PLXNC1: variants seen among roughly 807,000 people sequenced by gnomAD.
PLXNC1 encodes the protein plexin-C1.
PLXNC1 carries 75 observed loss-of-function variants against 178.2 expected under a neutral mutation model. The observed-to-expected ratio is 0.42, with a 90% confidence interval of 0.35 to 0.51. The LOEUF is 0.51. PLXNC1 is among the 20% of genes least tolerant of loss of function. PLXNC1 has a pLI of 0.02. For missense variants in PLXNC1, 1,503 were observed against 1,984.4 expected (o/e 0.76, Z 4.61); for synonymous variants, 790 against 779.9 (o/e 1.01, Z -0.22).
intron 22 of PLXNC1, among the ~76,000 whole-genome samples, chr12:94,281,680 C>A (rs1966453066): frequency 6.6e-6 from 1 of 152,176 alleles, no homozygotes; most frequent in South Asian, 2.1e-4. Context: ...CTCCGCCTCC[C>A]AAAGTATTGG....
chr12:94,262,396 C>T, intron 20 of PLXNC1: 1 of 689,564 alleles, frequency 1.5e-6, no homozygotes, highest in Non-Finnish European at 1.8e-6. Context: ...TCTACTGGAT[C>T]TTGTGATTCT....
chr12:94,224,123 C>A, intron 6 of PLXNC1, 105 bp from the exon 7 acceptor site: 1 of 757,902 alleles, frequency 1.3e-6, no homozygotes, highest in South Asian at 1.4e-5. Flanking sequence ...CGCTCCTGCC[C>A]ACTATGCAGA....
intron 21 of PLXNC1, among the ~76,000 whole-genome samples, chr12:94,266,369 G>A (rs773929629): frequency 3.0e-4 from 46 of 152,276 alleles, no homozygotes; most frequent in Middle Eastern, 3.4e-3. Context: ...ACTTCTCAGC[G>A]TTCTGAATTG....
chr12:94,306,196 C>A lies in PLXNC1; in HGVS notation c.*911C>A, dbSNP rs1481658926. ...CTCCTTGCTTTAGATTTCTGGTGAA[C>A]CCTGTGGTTATGAATACTTGTGTGT... On this transcript the variant is annotated 3_prime_UTR_variant, in exon 31 of 31. Coordinates refer to ENST00000258526, the MANE Select transcript of PLXNC1 (RefSeq NM_005761.3). 2.0e-5 allele frequency: 3 copies of A among 151,560 alleles called. No individual in the cohort carries two copies. Among genetic ancestry groups the A allele is most frequent in the Non-Finnish European group, 4.4e-5 (3 of 67,942 alleles). The allele number at this position is 151,560 out of a possible 1,614,324, so 9.4% of individuals were successfully genotyped here. A position where few individuals can be genotyped will look rare whatever the true frequency, so the allele number is the denominator to read the frequency against.
At chr12:94,235,119 A>G (rs1250041756) in intron 9 of PLXNC1, among the ~76,000 whole-genome samples, 1 of 152,204 alleles carries the variant, frequency 6.6e-6, no homozygotes, top group African/African-American at 2.4e-5. Context: ...TCTGTTTAAA[A>G]GCAGACTGAA....
At chr12:94,268,588 CTTTTTTTTTT>C (rs61265662) in intron 21 of PLXNC1, among the ~76,000 whole-genome samples, 1 of 90,878 alleles carries the variant, frequency 1.1e-5, no homozygotes, top group African/African-American at 4.6e-5. Flanking sequence ...AGAATAAGAC[CTTTTTTTTTT>C]TTTTTTTTTT....
At chr12:94,187,194 A>AGAGAG (rs1301534152) in intron 4 of PLXNC1, among the ~76,000 whole-genome samples, 5,220 of 147,118 alleles carry the variant, frequency 0.035, 310 homozygotes, top group African/African-American at 0.12. Context: ...GAGAGAGAGA[A>AGAGAG]AAAAAAACCC....
chr12:94,174,313 T>C (rs918733695), intron 2 of PLXNC1, among the ~76,000 whole-genome samples: 1 of 151,888 alleles, frequency 6.6e-6, no homozygotes, highest in African/African-American at 2.4e-5. Context: ...GCCTCTTGAG[T>C]AGCTGGGACT....
At chr12:94,241,334 G>T (rs908823452) in intron 11 of PLXNC1, among the ~76,000 whole-genome samples, 3 of 152,036 alleles carry the variant, frequency 2.0e-5, no homozygotes, top group African/African-American at 7.3e-5. Flanking sequence ...ATCACCTCAA[G>T]CACTTATCAT....
intron 7 of PLXNC1, among the ~76,000 whole-genome samples, chr12:94,225,605 A>G (rs1298947587): frequency 6.6e-6 from 1 of 152,218 alleles, no homozygotes; most frequent in Non-Finnish European, 1.5e-5. Context: ...AGCTCCCCCG[A>G]TGCCCACTTT....
intron 2 of PLXNC1, among the ~76,000 whole-genome samples, chr12:94,177,876 C>T (rs541687128): frequency 6.0e-4 from 91 of 152,334 alleles, no homozygotes; most frequent in African/African-American, 2.1e-3. Flanking sequence ...ACCCCACAGA[C>T]ATGATGTCGT....
At chr12:94,273,032 G>A (rs950441399) in intron 21 of PLXNC1, among the ~76,000 whole-genome samples, 11 of 152,250 alleles carry the variant, frequency 7.2e-5, no homozygotes, top group Admixed American at 5.2e-4. Context: ...GACTCCCACC[G>A]GCTCCATGAT....
At chr12:94,256,108 C>A (rs1964830742) in intron 17 of PLXNC1, 1 of 152,188 alleles carries the variant, frequency 6.6e-6, no homozygotes, top group Admixed American at 6.5e-5. Context: ...GTATGATGAC[C>A]ACATAGAGGC....
At chr12:94,212,273 C>CAACAA (rs1491325001) in intron 5 of PLXNC1, among the ~76,000 whole-genome samples, 2 of 89,144 alleles carry the variant, frequency 2.2e-5, no homozygotes, top group East Asian at 6.7e-4. Flanking sequence ...GACTCCGTCT[C>CAACAA]AAAAAAAAAA....
chr12:94,269,282 T>C (rs1022153296), intron 21 of PLXNC1, among the ~76,000 whole-genome samples: 17 of 152,174 alleles, frequency 1.1e-4, no homozygotes, highest in Non-Finnish European at 8.8e-5. Context: ...CTCCTATCTA[T>C]AAGAAAGTTT....
rs1238165759 is a variant in PLXNC1, at chr12:94,254,843, C to T, written c.2938C>T (p.Gln980Ter). 6.2e-7 allele frequency: 1 copy of T among 1,612,114 alleles called. No individual in the cohort carries two copies. Among genetic ancestry groups the T allele is most frequent in the Non-Finnish European group, 8.5e-7 (1 of 1,179,584 alleles). ...SKELSRKQSQ[Q>*]LELLESELRK... ...GGAGCTGAGTCGCAAACAGAGTCAA[C>T]AACTAGAATTGCTGGAAAGCGAGCT... The change falls in exon 16 of 31, where the codon CAA (glutamine) becomes TAA (stop). Residue 980 changes from glutamine to a stop codon, truncating the protein, a stop_gained. Coordinates refer to ENST00000258526, the MANE Select transcript of PLXNC1 (RefSeq NM_005761.3). LOFTEE classifies it high-confidence loss of function.
At chr12:94,199,742 G>A (rs1963049921) in intron 4 of PLXNC1, among the ~76,000 whole-genome samples, 2 of 152,206 alleles carry the variant, frequency 1.3e-5, no homozygotes, top group Admixed American at 1.3e-4. Context: ...TTGGCACTGG[G>A]AAAGTGCTCG....
intron 17 of PLXNC1, among the ~76,000 whole-genome samples, chr12:94,257,305 A>G (rs139665690): frequency 1.3e-5 from 2 of 152,342 alleles, no homozygotes; most frequent in African/African-American, 4.8e-5. Context: ...TAGGTTCTCA[A>G]AGGAGGCCAG....
intron 3 of PLXNC1, among the ~76,000 whole-genome samples, chr12:94,182,778 T>A (rs1235362798): frequency 6.6e-6 from 1 of 152,124 alleles, no homozygotes; most frequent in African/African-American, 2.4e-5. Flanking sequence ...ATTAATTTAA[T>A]AAAAATAAAT....
Sources: allele counts gnomAD v4.1 joint callset (sites outside exome capture counted in the v4.1 genomes callset), GRCh38; gene constraint gnomAD v4.1.1; transcripts MANE v1.5; gene names NCBI Gene and HGNC (gene_info 2026-07-23, HGNC 2026-07-21).